Variants in GRIA4 observed in about 807,000 individuals in gnomAD.
GRIA4 encodes glutamate ionotropic receptor AMPA type subunit 4.
Under a neutral mutation model 104.0 loss-of-function variants are expected in GRIA4, and 34 were observed. The ratio of observed to expected loss-of-function variants is 0.33; its 90% CI spans 0.25 to 0.44. The LOEUF (loss-of-function observed/expected upper bound fraction) is 0.44, where lower values mean the gene tolerates loss of function less well. Among genes scored for constraint, GRIA4 ranks in the 20% least tolerant of loss-of-function variants. The pLI, the probability that GRIA4 is intolerant of heterozygous loss-of-function variation, is 1.00. For synonymous variants in GRIA4, 386 were observed against 381.9 expected, an observed-to-expected ratio of 1.01 and a Z score of -0.13; for missense variants, 750 against 1,096.5, an observed-to-expected ratio of 0.68 and a Z score of 4.46.
At chr11:105,632,687 G>A (rs1342864718) in intron 3 of GRIA4, among the ~76,000 whole-genome samples, 1 of 152,120 alleles carries the variant, frequency 6.6e-6, no homozygotes, top group Non-Finnish European at 1.5e-5. Context: ...TAATCCTAGT[G>A]CTTTGGGAAG....
intron 3 of GRIA4, among the ~76,000 whole-genome samples, chr11:105,652,780 G>A (rs574370541): frequency 1.3e-5 from 2 of 152,246 alleles, no homozygotes; most frequent in East Asian, 3.9e-4. Context: ...GATGCCTACA[G>A]CCAAGGATAG....
At chr11:105,734,964 G>A (rs550150080) in intron 3 of GRIA4, among the ~76,000 whole-genome samples, 1 of 152,262 alleles carries the variant, frequency 6.6e-6, no homozygotes, top group East Asian at 1.9e-4. Flanking sequence ...TGAATGAATA[G>A]TTGTTATAGC....
intron 13 of GRIA4, among the ~76,000 whole-genome samples, chr11:105,928,736 A>G (rs1340022137): frequency 1.3e-5 from 2 of 152,066 alleles, no homozygotes; most frequent in Non-Finnish European, 2.9e-5. Flanking sequence ...AAGAAATGCT[A>G]TATTGATTCT....
In GRIA4 at chr11:105,933,723, G is replaced by A; in HGVS notation, c.2048G>A (p.Arg683Lys). Reference protein sequence around the residue: ...DSGSTKEFFRRSKIAVYEKMW... With the variant: ...DSGSTKEFFRKSKIAVYEKMW... ...TAATTTTATTTTAATTTCCTCCAGA[G>A]ATCAAAAATAGCAGTGTATGAAAAG... is the stretch of plus-strand genomic sequence containing the variant. The change falls in exon 14 of 17, where the codon AGA (arginine) becomes AAA (lysine). Residue 683 changes from arginine (R) to lysine (K), a missense_variant and splice_region_variant. Coordinates refer to ENST00000282499, the MANE Select transcript of GRIA4 (RefSeq NM_000829.4). 6.4e-7 allele frequency: 1 copy of A among 1,568,774 alleles called. No individual in the cohort carries two copies. Among genetic ancestry groups the A allele is most frequent in the South Asian group, 1.2e-5 (1 of 86,396 alleles).
At chr11:105,625,006 A>G (rs546048772) in intron 3 of GRIA4, among the ~76,000 whole-genome samples, 3 of 152,144 alleles carry the variant, frequency 2.0e-5, no homozygotes, top group Non-Finnish European at 4.4e-5. Context: ...TACTGTGATT[A>G]TAAATTTAAA....
intron 13 of GRIA4, among the ~76,000 whole-genome samples, chr11:105,931,275 C>T (rs1947865511): frequency 1.3e-5 from 2 of 149,106 alleles, no homozygotes; most frequent in Admixed American, 6.6e-5. Context: ...TACACACACA[C>T]ACACACACAC....
chr11:105,669,186 A>G (rs1952278791), intron 3 of GRIA4, among the ~76,000 whole-genome samples: 1 of 151,896 alleles, frequency 6.6e-6, no homozygotes, highest in Non-Finnish European at 1.5e-5. Flanking sequence ...TGCTCTTACA[A>G]CTTCTGTCCT....
intron 3 of GRIA4, among the ~76,000 whole-genome samples, chr11:105,670,222 A>G (rs988238388): frequency 2.6e-5 from 4 of 152,168 alleles, no homozygotes; most frequent in African/African-American, 9.6e-5. Flanking sequence ...GAGAGCATAT[A>G]CAGTACATAA....
chr11:105,774,166 A>T (rs982800986), intron 4 of GRIA4, among the ~76,000 whole-genome samples: 1 of 151,458 alleles, frequency 6.6e-6, no homozygotes, highest in Non-Finnish European at 1.5e-5. Context: ...GCAAAAATTA[A>T]TCATTAGAAA....
At chr11:105,700,540 T>A (rs985318817) in intron 3 of GRIA4, among the ~76,000 whole-genome samples, 1 of 152,306 alleles carries the variant, frequency 6.6e-6, no homozygotes, top group Middle Eastern at 3.4e-3. Flanking sequence ...AATGAATCTA[T>A]CTAATCCTGC....
chr11:105,807,368 C>T (rs541057858), intron 4 of GRIA4, among the ~76,000 whole-genome samples: 5 of 151,840 alleles, frequency 3.3e-5, no homozygotes, highest in East Asian at 1.9e-4. Context: ...GATGAGATAT[C>T]AATAGATAAT....
intron 4 of GRIA4, among the ~76,000 whole-genome samples, chr11:105,844,141 A>G (rs1005489084): frequency 2.6e-5 from 4 of 152,118 alleles, no homozygotes; most frequent in Non-Finnish European, 4.4e-5. Context: ...TTGTACAGTC[A>G]CCCTACTTAT....
rs73627638 is a variant in GRIA4 at position 105,665,077 on chromosome 11, T to C, written c.247+52643T>C. 4.8e-3 allele frequency among the ~76,000 whole-genome samples: 732 copies of C among 152,164 alleles called. 9 individuals are homozygous for C. Among genetic ancestry groups the C allele is most frequent in the African/African-American group, 0.017 (698 of 41,544 alleles). ...GTAATGACAAAGTACCTGACCATAA[T>C]TTGATTTACCAAATATTTTAACTTT... is the stretch of plus-strand genomic sequence containing the variant. On this transcript the variant is annotated intron_variant, in intron 3 of 16. Transcript: ENST00000282499.
At chr11:105,762,550 T>G (rs1940713257) in intron 4 of GRIA4, among the ~76,000 whole-genome samples, 1 of 152,180 alleles carries the variant, frequency 6.6e-6, no homozygotes, top group Non-Finnish European at 1.5e-5. Flanking sequence ...GAGGATTTTT[T>G]TGTGTCATAG....
rs144356247 is a variant in GRIA4, at chr11:105,876,111, G to C, written c.673-11408G>C. 7.3e-3 allele frequency among the ~76,000 whole-genome samples: 1,114 copies of C among 152,182 alleles called. 12 individuals carry two copies. Among genetic ancestry groups the C allele is most frequent in the African/African-American group, 0.025 (1,054 of 41,502 alleles). On this transcript the variant is annotated intron_variant, in intron 5 of 16. Coordinates refer to ENST00000282499, the MANE Select transcript of GRIA4 (RefSeq NM_000829.4). ...TGTGTCTCAGACATTCTAGTACATTGTGTCTTTGTTCTCACTGGTTTCAAA... is the reference window on the plus strand; with the variant it reads ...TGTGTCTCAGACATTCTAGTACATTCTGTCTTTGTTCTCACTGGTTTCAAA...
rs138390290 is a variant in GRIA4, at chr11:105,763,729, G to A, written c.487+10509G>A. On this transcript the variant is annotated intron_variant, in intron 4 of 16. Transcript: ENST00000282499. Reference sequence around the variant, plus strand: ...CAGCTTAAACTCCTATCTGTACAGCGGTCTGTCATTGCCATTTGGAAGGTA... The same window carrying A: ...CAGCTTAAACTCCTATCTGTACAGCAGTCTGTCATTGCCATTTGGAAGGTA... Among the ~76,000 whole-genome samples, 19 of 152,224 alleles carry A rather than the reference G, an allele frequency of 1.2e-4. No homozygotes were observed. The East Asian group carries it at 2.1e-3, about 17-fold the overall frequency.
At chr11:105,710,924 C>G (rs1296236162) in intron 3 of GRIA4, among the ~76,000 whole-genome samples, 1 of 150,632 alleles carries the variant, frequency 6.6e-6, no homozygotes, top group East Asian at 2.0e-4. Flanking sequence ...TATTAGGAAA[C>G]AAAAACTAAA....
At chr11:105,800,606 C>T (rs1398434672) in intron 4 of GRIA4, among the ~76,000 whole-genome samples, 1 of 151,998 alleles carries the variant, frequency 6.6e-6, no homozygotes, top group African/African-American at 2.4e-5. Flanking sequence ...TAAATTCAGA[C>T]ATGACTAATC....
intron 3 of GRIA4, among the ~76,000 whole-genome samples, chr11:105,737,151 C>A (rs1293847107): frequency 6.6e-6 from 1 of 151,998 alleles, no homozygotes; most frequent in African/African-American, 2.4e-5. Context: ...ACTCAAAAAG[C>A]TGTATACTTG....
Sources: gnomAD v4.1 joint callset for allele counts (sites outside exome capture counted in the v4.1 genomes callset) on GRCh38, gnomAD v4.1.1 for gene constraint, MANE v1.5 for transcripts, NCBI Gene and HGNC (gene_info 2026-07-23, HGNC 2026-07-21) for gene names.